The following IQSEC1 variants were observed in gnomAD, a reference collection of about 807,000 sequenced individuals.
The protein encoded by IQSEC1 is IQ motif and SEC7 domain-containing protein 1.
Under a neutral mutation model 91.0 loss-of-function variants are expected in IQSEC1, and 31 were observed. The observed-to-expected ratio is 0.34, with a 90% CI of 0.26 to 0.46. IQSEC1 has a LOEUF of 0.46. Ranked by LOEUF, IQSEC1 falls within the 20% of genes least tolerant of loss-of-function variation. The pLI is 1.00. For missense variants in IQSEC1, 1,388 were observed against 1,575.6 expected (o/e 0.88, Z 2.02); for synonymous variants, 699 against 662.6 (o/e 1.05, Z -0.84).
intron 1 of IQSEC1, among the ~76,000 whole-genome samples, chr3:13,040,254 T>C (rs1341756399): frequency 6.6e-6 from 1 of 152,254 alleles, no homozygotes; most frequent in Non-Finnish European, 1.5e-5. Flanking sequence ...CCGGATCAGA[T>C]GCCACCTCCT....
At chr3:13,028,252 C>T (rs996074539) in intron 1 of IQSEC1, among the ~76,000 whole-genome samples, 2 of 152,234 alleles carry the variant, frequency 1.3e-5, no homozygotes, top group African/African-American at 4.8e-5. Flanking sequence ...CACTTGATCC[C>T]TCTGCCCTTA....
intron 1 of IQSEC1, among the ~76,000 whole-genome samples, chr3:12,972,806 C>T (rs890259318): frequency 1.2e-4 from 19 of 152,112 alleles, no homozygotes; most frequent in Admixed American, 1.1e-3. Context: ...CCAGCCTGGG[C>T]GGGTGTGTTT....
At chr3:13,142,592 G>T (rs1706819570) in intron 2 of IQSEC1, among the ~76,000 whole-genome samples, 1 of 152,196 alleles carries the variant, frequency 6.6e-6, no homozygotes, top group South Asian at 2.1e-4. Context: ...ACAAACTACA[G>T]CCTGTAGGCC....
intron 2 of IQSEC1, among the ~76,000 whole-genome samples, chr3:13,153,891 C>G (rs1470083291): frequency 6.6e-6 from 1 of 152,034 alleles, no homozygotes; most frequent in African/African-American, 2.4e-5. Context: ...GGAAACCACA[C>G]GTGCAAAGAG....
chr3:12,958,842 ATG>A (rs1158980551), intron 1 of IQSEC1, among the ~76,000 whole-genome samples: 1 of 152,198 alleles, frequency 6.6e-6, no homozygotes, highest in Non-Finnish European at 1.5e-5. Context: ...AGTGGCTGAA[ATG>A]TGTTAGCACT....
intron 1 of IQSEC1, among the ~76,000 whole-genome samples, chr3:12,951,017 G>C (rs1196197004): frequency 1.3e-5 from 2 of 152,182 alleles, no homozygotes; most frequent in Non-Finnish European, 2.9e-5. Context: ...GGCTGGGACA[G>C]GAGGATCCCT....
intron 1 of IQSEC1, among the ~76,000 whole-genome samples, chr3:13,226,952 CT>C (rs1694763365): frequency 6.6e-6 from 1 of 152,178 alleles, no homozygotes; most frequent in Non-Finnish European, 1.5e-5. Flanking sequence ...AGAGTCCTCC[CT>C]GCTGCAGAGG....
At chr3:13,181,750 G>C (rs1185813305) in intron 1 of IQSEC1, among the ~76,000 whole-genome samples, 3 of 152,210 alleles carry the variant, frequency 2.0e-5, no homozygotes, top group African/African-American at 7.2e-5. Flanking sequence ...AAAGCCCTCA[G>C]CATATATCTG....
intron 1 of IQSEC1, among the ~76,000 whole-genome samples, chr3:13,064,114 A>T (rs1377083442): frequency 6.6e-6 from 1 of 152,064 alleles, no homozygotes; most frequent in Non-Finnish European, 1.5e-5. Context: ...CTGACACTGC[A>T]CTGTCCTCCC....
At chr3:13,221,369 C>T (rs73134161) in intron 1 of IQSEC1, among the ~76,000 whole-genome samples, 2,242 of 152,310 alleles carry the variant, frequency 0.015, 54 homozygotes, top group African/African-American at 0.05. Flanking sequence ...CATGTCCCTG[C>T]GGTAGGAGCC....
intron 9 of IQSEC1, among the ~76,000 whole-genome samples, chr3:12,912,195 C>G (rs1348387614): frequency 3.3e-5 from 5 of 152,230 alleles, no homozygotes; most frequent in African/African-American, 1.2e-4. Flanking sequence ...TGAATCCCAG[C>G]TGGCCCGCCA....
rs150972242 is a variant in IQSEC1, at chr3:13,078,513, G to A, written c.303-30991C>T. On this transcript the variant is annotated intron_variant, in intron 2 of 15. Coordinates refer to the IQSEC1 transcript ENST00000648114. ...CAGGCAGTGTAGCCTGGGGGGGAAG[G>A]CCAGGAGCCTCCTCTGCCACCAGCT... Among the ~76,000 whole-genome samples, 616 of 152,034 alleles carry A rather than the reference G, an allele frequency of 4.1e-3. 5 individuals carry two copies. The highest frequency in any genetic ancestry group is 6.9e-3 in the Non-Finnish European group (472 of 67,994).
At chr3:13,146,337 A>T (rs1299379123) in intron 2 of IQSEC1, among the ~76,000 whole-genome samples, 1 of 152,010 alleles carries the variant, frequency 6.6e-6, no homozygotes, top group Non-Finnish European at 1.5e-5. Flanking sequence ...TGTCAACTTC[A>T]CTGTAAGAGT....
chr3:13,078,211 T>A (rs886531760), upstream of IQSEC1, among the ~76,000 whole-genome samples: 3 of 152,118 alleles, frequency 2.0e-5, no homozygotes, highest in Non-Finnish European at 4.4e-5. Context: ...AGTGAACACA[T>A]GAGCAGAGGG....
At position 13,073,217 on chromosome 3, in the gene IQSEC1, G is replaced by A. The variant is rs929801215; in HGVS notation, c.-203C>T. On this transcript the variant is annotated 5_prime_UTR_variant, in exon 1 of 14. Coordinates refer to ENST00000613206, the MANE Select transcript of IQSEC1 (RefSeq NM_001134382.3). Reference sequence around the variant, plus strand: ...GGCGGCGCCAGCAGCGGGCTGTGGAGGGCCCTGGCACGTAGCGCGCGCTCA... The same window carrying A: ...GGCGGCGCCAGCAGCGGGCTGTGGAAGGCCCTGGCACGTAGCGCGCGCTCA... The A allele has an allele frequency of 6.1e-6, 4 of 653,004 alleles. No homozygotes were observed. Among genetic ancestry groups the A allele is most frequent in the Non-Finnish European group, 1.1e-5 (4 of 369,810 alleles). The allele number at this position is 653,004 out of a possible 1,614,324, so 40.5% of individuals were successfully genotyped here. A position where few individuals can be genotyped will look rare whatever the true frequency, so the allele number is the denominator to read the frequency against.
intron 1 of IQSEC1, among the ~76,000 whole-genome samples, chr3:13,003,578 T>C (rs1234407768): frequency 1.3e-5 from 2 of 152,204 alleles, no homozygotes; most frequent in Non-Finnish European, 2.9e-5. Flanking sequence ...AATATAGTAA[T>C]AATAACCGAA....
intron 1 of IQSEC1, among the ~76,000 whole-genome samples, chr3:13,021,134 C>T (rs1703376736): frequency 6.6e-6 from 1 of 152,314 alleles, no homozygotes; most frequent in South Asian, 2.1e-4. Context: ...GCCCCTAAGC[C>T]CTTCCATATA....
intron 6 of IQSEC1, among the ~76,000 whole-genome samples, chr3:12,918,593 A>G (rs1696328791): frequency 6.6e-6 from 1 of 152,144 alleles, no homozygotes; most frequent in East Asian, 1.9e-4. Context: ...GGGTGGGAGG[A>G]TCACTTGAGG....
intron 1 of IQSEC1, among the ~76,000 whole-genome samples, chr3:13,165,579 T>TC (rs1693477916): frequency 2.7e-5 from 2 of 75,244 alleles, no homozygotes; most frequent in Non-Finnish European, 5.4e-5. Flanking sequence ...TGTGTGTGTG[T>TC]GTCTGTCTGT....
Sources: allele counts gnomAD v4.1 joint callset (sites outside exome capture counted in the v4.1 genomes callset), GRCh38; gene constraint gnomAD v4.1.1; transcripts MANE v1.5; gene names NCBI Gene and HGNC (gene_info 2026-07-23, HGNC 2026-07-21).